Variants in EHBP1 observed in about 807,000 individuals in gnomAD.
EHBP1 encodes the protein EH domain-binding protein 1.
A neutral mutation model predicts 144.0 loss-of-function variants in EHBP1; 55 were observed. The observed-to-expected ratio is 0.38, with a 90% CI of 0.31 to 0.48. The LOEUF is 0.48. Ranked by LOEUF, EHBP1 falls within the 20% of genes least tolerant of loss-of-function variation. The pLI, the probability that EHBP1 is intolerant of heterozygous loss-of-function variation, is 0.98. For synonymous variants in EHBP1, 469 were observed against 472.7 expected (o/e 0.99, Z 0.10); for missense variants, 1,200 against 1,364.2 (o/e 0.88, Z 1.90).
intron 2 of EHBP1, among the ~76,000 whole-genome samples, chr2:62,714,806 T>C (rs1455149327): frequency 2.0e-5 from 3 of 152,136 alleles, no homozygotes; most frequent in Non-Finnish European, 4.4e-5. Flanking sequence ...CTAGCATAGG[T>C]TGGAGTGACC....
intron 21 of EHBP1, among the ~76,000 whole-genome samples, chr2:63,042,799 C>G (rs545937889): frequency 6.6e-6 from 1 of 151,668 alleles, no homozygotes; most frequent in East Asian, 1.9e-4. Context: ...AGCAACTGGT[C>G]AAGTTCAGAG....
Position 63,045,044 on chromosome 2 carries a change from A to G in EHBP1, c.3278-22A>G. The G allele has an allele frequency of 2.0e-6, 3 of 1,528,134 alleles. No individual in the cohort carries two copies. Among genetic ancestry groups the G allele is most frequent in the South Asian group, 1.2e-5 (1 of 83,504 alleles). 94.7% of individuals were successfully genotyped at this position (1,528,134 alleles called of 1,614,324 possible). Reference sequence around the variant, plus strand: ...TGTTCGGAGGCCCTGCCGGTGGGTAACTAGCCTCCCGTCTTCTGCAGACTG... The same window carrying G: ...TGTTCGGAGGCCCTGCCGGTGGGTAGCTAGCCTCCCGTCTTCTGCAGACTG... On this transcript the variant is annotated intron_variant, in intron 21 of 22. Transcript: ENST00000431489. The surrounding 1 kb of genome is among the most constrained non-coding windows in gnomAD (Gnocchi z 5.7).
At chr2:62,859,350 A>G in intron 8 of EHBP1, 59 bp downstream of exon 8, 1 of 1,478,964 alleles carries the variant, frequency 6.8e-7, no homozygotes, top group Non-Finnish European at 9.1e-7. Context: ...TTGAACTGTA[A>G]GGGCAGGAAA....
At position 63,045,487 on chromosome 2, in the gene EHBP1, G is replaced by A; in HGVS notation, c.3470G>A (p.Cys1157Tyr). ...KGKMAKKEEK[C>Y]VLQ ...AAGATGGCCAAGAAAGAGGAGAAAT[G>A]TGTTCTTCAGTAGCCATCAGATCAG... The change falls in exon 23 of 23, where the codon TGT becomes TAT. Residue 1157 changes from cysteine (C) to tyrosine (Y), a missense_variant. By Grantham distance (194) the Cys-to-Tyr change is radical. Transcript: ENST00000431489. This position sits in a 1 kb window ranked among gnomAD's most constrained non-coding sequence, Gnocchi z 5.7. 1 of 1,613,254 alleles carries A rather than the reference G, an allele frequency of 6.2e-7. No individual in the cohort carries two copies. Among genetic ancestry groups the A allele is most frequent in the Non-Finnish European group, 8.5e-7 (1 of 1,179,382 alleles).
At chr2:62,719,970 G>A (rs1194637442) in intron 2 of EHBP1, among the ~76,000 whole-genome samples, 1 of 152,076 alleles carries the variant, frequency 6.6e-6, no homozygotes, top group Admixed American at 6.5e-5. Flanking sequence ...CCACATTTTT[G>A]CAAAGCTGGG....
chr2:62,948,282 T>C lies in EHBP1; in HGVS notation c.1436T>C (p.Ile479Thr), dbSNP rs769306204. The C allele has an allele frequency of 1.9e-6, 3 of 1,579,740 alleles. No individual in the cohort carries two copies. The East Asian group carries it at 6.7e-5, about 36-fold the overall frequency. The change falls in exon 13 of 23, where the codon ATA (isoleucine) becomes ACA (threonine). Residue 479 changes from isoleucine to threonine, a missense_variant. By Grantham distance (89) the Ile-to-Thr change is moderately conservative. Transcript: ENST00000431489. ...AAGGCATACGATGGATTTGCCAGCATAGGAATTTCCCGATTATTGGAACCT... is the reference window on the plus strand; with the variant it reads ...AAGGCATACGATGGATTTGCCAGCACAGGAATTTCCCGATTATTGGAACCT... ...NKKAYDGFAS[I>T]GISRLLEPSD...
At chr2:62,971,831 C>T (rs1049045406) in intron 14 of EHBP1, among the ~76,000 whole-genome samples, 6 of 152,148 alleles carry the variant, frequency 3.9e-5, no homozygotes, top group African/African-American at 9.7e-5. Flanking sequence ...CCCAAAACTA[C>T]GGCTTCTATG....
intron 15 of EHBP1, chr2:62,987,958 C>T (rs1486895007): frequency 1.2e-6 from 2 of 1,601,372 alleles, no homozygotes; most frequent in East Asian, 2.3e-5. Flanking sequence ...GAGATAGATA[C>T]TAACGAGGAG....
chr2:63,037,020 C>T lies in EHBP1; in HGVS notation c.3104-515C>T, dbSNP rs146265423. ...ATTTAGTAATTTATAAGTAGTCTAC[C>T]CTATTAGGGATGATGAGTTCCAAAA... On this transcript the variant is annotated intron_variant, in intron 19 of 22. Coordinates refer to ENST00000431489, the MANE Select transcript of EHBP1 (RefSeq NM_001142616.3). 5.2e-4 allele frequency among the ~76,000 whole-genome samples: 78 copies of T among 151,394 alleles called. 2 individuals are homozygous for T. In the East Asian group the frequency reaches 0.013, roughly 26 times the overall value.
At chr2:63,035,998 CGT>C (rs2061427717) in intron 19 of EHBP1, among the ~76,000 whole-genome samples, 1 of 151,976 alleles carries the variant, frequency 6.6e-6, no homozygotes, top group Admixed American at 6.6e-5. Flanking sequence ...AAGTCGGCTT[CGT>C]ACCATTAGTT....
chr2:62,685,129 T>C (rs541022204), intron 1 of EHBP1, among the ~76,000 whole-genome samples: 365 of 152,322 alleles, frequency 2.4e-3, no homozygotes, highest in Non-Finnish European at 4.1e-3. Flanking sequence ...TAGCTAATAA[T>C]TGAGTACAGT....
intron 5 of EHBP1, among the ~76,000 whole-genome samples, chr2:62,796,426 G>A (rs562340042): frequency 6.6e-6 from 1 of 151,986 alleles, no homozygotes; most frequent in African/African-American, 2.4e-5. Context: ...TCATCAAATA[G>A]GTCACCTTTT....
intron 14 of EHBP1, among the ~76,000 whole-genome samples, chr2:62,959,264 T>C (rs1249186669): frequency 6.6e-6 from 1 of 152,234 alleles, no homozygotes; most frequent in Non-Finnish European, 1.5e-5. Flanking sequence ...ATTCATTTTA[T>C]CCGTTCATCT....
chr2:62,747,311 G>T, intron 2 of EHBP1, 84 bp from the exon 3 acceptor site: 1 of 1,174,052 alleles, frequency 8.5e-7, no homozygotes, highest in South Asian at 1.3e-5. Context: ...TAAAGCAGAT[G>T]ACATTTTTGC....
intron 19 of EHBP1, among the ~76,000 whole-genome samples, chr2:63,036,746 A>G (rs1160799871): frequency 6.6e-6 from 1 of 151,962 alleles, no homozygotes; most frequent in Non-Finnish European, 1.5e-5. Flanking sequence ...AATGCCAAAC[A>G]TATACTATAT....
chr2:62,769,593 T>A (rs1013956001), intron 4 of EHBP1, among the ~76,000 whole-genome samples: 2 of 151,940 alleles, frequency 1.3e-5, no homozygotes, highest in Non-Finnish European at 2.9e-5. Context: ...CCAAAGCAAT[T>A]TACAGATTCA....
chr2:63,013,944 C>G (rs1306718102), intron 19 of EHBP1, among the ~76,000 whole-genome samples: 1 of 152,216 alleles, frequency 6.6e-6, no homozygotes, highest in Non-Finnish European at 1.5e-5. Context: ...TCATACTCTT[C>G]TAACAAGAGA....
At chr2:62,844,025 A>G (rs566278068) in intron 7 of EHBP1, among the ~76,000 whole-genome samples, 7 of 152,314 alleles carry the variant, frequency 4.6e-5, no homozygotes, top group African/African-American at 1.7e-4. Context: ...GTGCAATTGC[A>G]TTATATCACT....
rs1214666387 is a variant in EHBP1, at chr2:63,008,622, C to CT, written c.3103+11867dup. 1.3e-3 allele frequency among the ~76,000 whole-genome samples: 173 copies of CT among 134,032 alleles called. 1 individual carries two copies. Among genetic ancestry groups the CT allele is most frequent in the African/African-American group, 3.5e-3 (127 of 36,794 alleles). 87.9% of individuals were successfully genotyped at this position (134,032 alleles called of 152,430 possible). A position where few individuals can be genotyped will look rare whatever the true frequency, so the allele number is the denominator to read the frequency against. On this transcript the variant is annotated intron_variant, in intron 19 of 22. Coordinates refer to ENST00000431489, the MANE Select transcript of EHBP1 (RefSeq NM_001142616.3). ...TTTTTGTACCTAGAGGTTTTTTTTT[C>CT]TTTTTTTTTTTCTTATTTGGCTTTC...
Sources: allele counts gnomAD v4.1 joint callset (sites outside exome capture counted in the v4.1 genomes callset), GRCh38; gene constraint gnomAD v4.1.1; non-coding constraint Gnocchi (gnomAD v3.1); transcripts MANE v1.5; gene names NCBI Gene and HGNC (gene_info 2026-07-23, HGNC 2026-07-21).